Variants in GCNT2 observed in about 807,000 individuals in gnomAD.
GCNT2 encodes the protein N-acetyllactosaminide beta-1,6-N-acetylglucosaminyl-transferase.
Under a neutral mutation model 34.2 loss-of-function variants are expected in GCNT2, and 34 were observed. The observed-to-expected ratio is 1.00, with a 90% CI of 0.76 to 1.32. The LOEUF is 1.32. Among genes scored for constraint, GCNT2 ranks in the 40% most tolerant of loss-of-function variants. The pLI is 0.00. For synonymous variants in GCNT2, 212 were observed against 188.0 expected (o/e 1.13, Z -1.04); for missense variants, 584 against 489.4 (o/e 1.19, Z -1.82).
intron 3 of GCNT2, among the ~76,000 whole-genome samples, chr6:10,613,831 G>A (rs552848056): frequency 3.9e-5 from 6 of 152,268 alleles, no homozygotes; most frequent in Admixed American, 6.5e-5. Flanking sequence ...GTTTGGAGAC[G>A]TTGGATGATG....
At chr6:10,534,778 C>G (rs184411761) in intron 3 of GCNT2, among the ~76,000 whole-genome samples, 6 of 152,292 alleles carry the variant, frequency 3.9e-5, no homozygotes, top group Middle Eastern at 3.4e-3. Context: ...AGGAGGATCA[C>G]TTGAGCCCAG....
chr6:10,562,246 C>G (rs1763019241), intron 3 of GCNT2, among the ~76,000 whole-genome samples: 1 of 152,180 alleles, frequency 6.6e-6, no homozygotes, highest in Non-Finnish European at 1.5e-5. Flanking sequence ...GATGGTCCCC[C>G]TATCTCTCTG....
intron 3 of GCNT2, among the ~76,000 whole-genome samples, chr6:10,549,551 CAA>C (rs1762397989): frequency 7.0e-6 from 1 of 143,772 alleles, no homozygotes; most frequent in Non-Finnish European, 1.5e-5. Flanking sequence ...CTTTCTCTCT[CAA>C]TCTCTCTCTC....
At chr6:10,548,864 G>A (rs481488) in intron 3 of GCNT2, among the ~76,000 whole-genome samples, 62,540 of 151,874 alleles carry the variant, frequency 0.41, 14,378 homozygotes, top group African/African-American at 0.64. Flanking sequence ...GGTTCAAGCA[G>A]TTCTCTGCCT....
At chr6:10,598,378 C>T (rs1764946470) in intron 3 of GCNT2, among the ~76,000 whole-genome samples, 1 of 152,190 alleles carries the variant, frequency 6.6e-6, no homozygotes, top group Non-Finnish European at 1.5e-5. Context: ...TCCCCCTTCT[C>T]CCTCTCCACG....
intron 3 of GCNT2, among the ~76,000 whole-genome samples, chr6:10,611,114 A>C (rs983597107): frequency 4.6e-5 from 7 of 152,064 alleles, no homozygotes; most frequent in Middle Eastern, 3.4e-3. Flanking sequence ...GCCAAATGTG[A>C]TGGCTCATGC....
intron 3 of GCNT2, chr6:10,556,957 C>T (rs1334275130): frequency 4.3e-6 from 7 of 1,614,002 alleles, no homozygotes; most frequent in Non-Finnish European, 5.9e-6. Context: ...TTTCTGCCTT[C>T]GAGGTCTCAT....
intron 3 of GCNT2, among the ~76,000 whole-genome samples, chr6:10,599,254 C>T (rs1470012338): frequency 1.3e-5 from 2 of 152,186 alleles, no homozygotes; most frequent in East Asian, 3.8e-4. Context: ...TGTTCACAGG[C>T]GCGTCAGTCC....
At chr6:10,551,734 C>T (rs604314) in intron 3 of GCNT2, among the ~76,000 whole-genome samples, 22,776 of 151,336 alleles carry the variant, frequency 0.15, 2,185 homozygotes, top group African/African-American at 0.28. Context: ...TGAGCCACTG[C>T]GCCTGGCTAT....
chr6:10,617,158 G>A (rs1244701487), intron 3 of GCNT2, among the ~76,000 whole-genome samples: 2 of 152,132 alleles, frequency 1.3e-5, no homozygotes, highest in Non-Finnish European at 2.9e-5. Flanking sequence ...CATGGCGGTC[G>A]GGGGGAGGCT....
At chr6:10,555,240 A>G (rs796639063) in intron 3 of GCNT2, among the ~76,000 whole-genome samples, 1 of 152,324 alleles carries the variant, frequency 6.6e-6, no homozygotes, top group African/African-American at 2.4e-5. Context: ...TTAAGAGGAT[A>G]CCAAATAAAA....
intron 3 of GCNT2, among the ~76,000 whole-genome samples, chr6:10,595,869 C>T (rs934262773): frequency 3.9e-5 from 6 of 152,156 alleles, no homozygotes; most frequent in African/African-American, 1.4e-4. Context: ...GAGAACAGTA[C>T]TGTAATCCTC....
chr6:10,621,285 T>G (rs1225727651), intron 3 of GCNT2, 66 bp from the exon 4 acceptor site: 1 of 986,214 alleles, frequency 1.0e-6, no homozygotes, highest in Non-Finnish European at 1.6e-6. Flanking sequence ...AGAGGCTTAA[T>G]TGATGAAATT....
At chr6:10,573,963 G>C (rs1411465703) in intron 3 of GCNT2, among the ~76,000 whole-genome samples, 2 of 152,262 alleles carry the variant, frequency 1.3e-5, no homozygotes, top group Non-Finnish European at 2.9e-5. Flanking sequence ...AAGGTGGTCA[G>C]GGTGCTCAGG....
intron 3 of GCNT2, among the ~76,000 whole-genome samples, chr6:10,562,623 AG>A (rs1324814403): frequency 2.1e-5 from 3 of 144,772 alleles, no homozygotes; most frequent in Non-Finnish European, 4.5e-5. Flanking sequence ...AGACCAAGGC[AG>A]AAGGATCACT....
chr6:10,614,200 C>T (rs767146694), intron 3 of GCNT2, among the ~76,000 whole-genome samples: 1 of 152,074 alleles, frequency 6.6e-6, no homozygotes, highest in Non-Finnish European at 1.5e-5. Context: ...GAGCTGTCAC[C>T]AGAAGTCTTG....
chr6:10,587,350 G>T (rs1032661766), intron 3 of GCNT2, among the ~76,000 whole-genome samples: 7 of 152,162 alleles, frequency 4.6e-5, no homozygotes, highest in Non-Finnish European at 1.0e-4. Flanking sequence ...TGTTACAGGG[G>T]TACTTACTGG....
chr6:10,551,982 C>T (rs1762504347), intron 3 of GCNT2, among the ~76,000 whole-genome samples: 1 of 152,008 alleles, frequency 6.6e-6, no homozygotes, highest in Non-Finnish European at 1.5e-5. Flanking sequence ...TGGTCTCAAA[C>T]TCCTGACCTC....
intron 3 of GCNT2, among the ~76,000 whole-genome samples, chr6:10,549,378 A>G (rs1762391786): frequency 6.6e-6 from 1 of 152,140 alleles, no homozygotes; most frequent in Non-Finnish European, 1.5e-5. Context: ...ATACTGGAGA[A>G]TGGAATTTTG....
Sources: gnomAD v4.1 joint callset for allele counts (sites outside exome capture counted in the v4.1 genomes callset) on GRCh38, gnomAD v4.1.1 for gene constraint, MANE v1.5 for transcripts, NCBI Gene and HGNC (gene_info 2026-07-23, HGNC 2026-07-21) for gene names.